PDE3A: variants seen among roughly 807,000 people sequenced by gnomAD.
PDE3A encodes phosphodiesterase 3A.
PDE3A carries 43 observed loss-of-function variants against 98.3 expected under a neutral mutation model. That is an observed-to-expected ratio of 0.44 (90% CI 0.34 to 0.56). PDE3A has a LOEUF of 0.56. PDE3A is among the 20% of genes least tolerant of loss of function. The pLI is 0.01. For synonymous variants in PDE3A, 663 were observed against 567.9 expected (o/e 1.17, Z -2.38); for missense variants, 1,427 against 1,440.7 (o/e 0.99, Z 0.15).
At chr12:20,504,374 T>C (rs911320052) in intron 1 of PDE3A, among the ~76,000 whole-genome samples, 3 of 152,112 alleles carry the variant, frequency 2.0e-5, no homozygotes, top group African/African-American at 4.8e-5. Context: ...GAATATTTCT[T>C]GAATAAATTT....
At chr12:20,399,847 A>T (rs1944087810) in intron 1 of PDE3A, among the ~76,000 whole-genome samples, 1 of 152,220 alleles carries the variant, frequency 6.6e-6, no homozygotes, top group African/African-American at 2.4e-5. Flanking sequence ...ATATATGACA[A>T]GGCTTTTACA....
intron 15 of PDE3A, among the ~76,000 whole-genome samples, chr12:20,676,590 C>T (rs1166026955): frequency 6.7e-6 from 1 of 150,078 alleles, no homozygotes; most frequent in African/African-American, 2.5e-5. Context: ...AGCTCCGCCT[C>T]CTGGGTTCAC....
At chr12:20,502,426 G>T (rs1480156845) in intron 1 of PDE3A, among the ~76,000 whole-genome samples, 2 of 152,120 alleles carry the variant, frequency 1.3e-5, no homozygotes, top group African/African-American at 4.8e-5. Context: ...ATATGCCTAT[G>T]ACTTAATCTG....
rs1942242877 is a variant in PDE3A, at chr12:20,552,568, T to A, written c.961-4092T>A. 1 of 1,613,008 alleles carries A rather than the reference T, an allele frequency of 6.2e-7. No individual in the cohort carries two copies. Among genetic ancestry groups the A allele is most frequent in the Non-Finnish European group, 8.5e-7 (1 of 1,179,686 alleles). On this transcript the variant is annotated intron_variant, in intron 1 of 15. Transcript: ENST00000359062. This position sits in a 1 kb window ranked among gnomAD's most constrained non-coding sequence, Gnocchi z 5.1. Reference sequence around the variant, plus strand: ...GTCCCCCAGGACGGGCAAGGGCAAGTGGAAGCGGAAGTCGGCAGGAGGTGG... The same window carrying A: ...GTCCCCCAGGACGGGCAAGGGCAAGAGGAAGCGGAAGTCGGCAGGAGGTGG...
intron 1 of PDE3A, among the ~76,000 whole-genome samples, chr12:20,542,158 A>T (rs1050733838): frequency 7.9e-5 from 12 of 152,026 alleles, no homozygotes; most frequent in Admixed American, 7.9e-4. Flanking sequence ...GTTTCTTGGC[A>T]CTTATGAAAA....
At chr12:20,400,368 C>T (rs1422182922) in intron 1 of PDE3A, among the ~76,000 whole-genome samples, 1 of 125,558 alleles carries the variant, frequency 8.0e-6, no homozygotes, top group Non-Finnish European at 1.6e-5. Context: ...CATGTTGACT[C>T]GTTAACATTG....
chr12:20,536,872 G>A (rs1278837302), intron 1 of PDE3A, among the ~76,000 whole-genome samples: 2 of 151,988 alleles, frequency 1.3e-5, no homozygotes, highest in East Asian at 3.9e-4. Context: ...TTTTTGTGTG[G>A]ATATTTGTTT....
chr12:20,486,151 A>G (rs1027469487), intron 1 of PDE3A, among the ~76,000 whole-genome samples: 1 of 152,244 alleles, frequency 6.6e-6, no homozygotes, highest in Non-Finnish European at 1.5e-5. Flanking sequence ...ACTGCTATAA[A>G]GAACTGCCTG....
rs376403531 is a variant in PDE3A at position 20,671,403 on chromosome 12, T to G, written c.3185-8627T>G. Among the ~76,000 whole-genome samples the G allele has an allele frequency of 4.0e-3, 605 of 152,200 alleles. 4 individuals carry two copies. Among genetic ancestry groups the G allele is most frequent in the African/African-American group, 0.013 (541 of 41,494 alleles). On this transcript the variant is annotated intron_variant, in intron 15 of 15. Transcript: ENST00000359062. ...CAGGCAGAGACACAACAAAAAAAGA[T>G]AATTTTAGACCAATATCCTTGATGA...
chr12:20,540,767 T>C (rs932473150), intron 1 of PDE3A, among the ~76,000 whole-genome samples: 2 of 152,084 alleles, frequency 1.3e-5, no homozygotes, highest in Admixed American at 6.6e-5. Flanking sequence ...GTAATTTCAT[T>C]AGGAAAACTT....
At chr12:20,440,170 G>A (rs1821850746) in intron 1 of PDE3A, among the ~76,000 whole-genome samples, 2 of 152,176 alleles carry the variant, frequency 1.3e-5, no homozygotes, top group Non-Finnish European at 2.9e-5. Context: ...AGTTAACATT[G>A]TGGTGGGGTA....
At chr12:20,640,020 G>T (rs1479965915) in intron 10 of PDE3A, 63 bp downstream of exon 10, 3 of 765,110 alleles carry the variant, frequency 3.9e-6, no homozygotes, top group East Asian at 2.6e-5. Context: ...GTGGGTAAAT[G>T]GGATAGTGAA....
At chr12:20,578,906 C>T (rs1325194745) in intron 2 of PDE3A, among the ~76,000 whole-genome samples, 1 of 152,082 alleles carries the variant, frequency 6.6e-6, no homozygotes, top group Non-Finnish European at 1.5e-5. Context: ...GAATAGTGTT[C>T]TTTTCATAGT....
chr12:20,558,405 C>T (rs1165162845), intron 2 of PDE3A, among the ~76,000 whole-genome samples: 3 of 151,924 alleles, frequency 2.0e-5, no homozygotes, highest in East Asian at 1.9e-4. Flanking sequence ...GCATTAAAAT[C>T]GGCTTGCATG....
At chr12:20,577,117 T>C (rs951213444) in intron 2 of PDE3A, among the ~76,000 whole-genome samples, 1 of 152,120 alleles carries the variant, frequency 6.6e-6, no homozygotes, top group African/African-American at 2.4e-5. Context: ...ACTCAGATTA[T>C]ACATGAACCA....
intron 2 of PDE3A, among the ~76,000 whole-genome samples, chr12:20,588,603 T>C (rs1453363067): frequency 7.0e-6 from 1 of 143,650 alleles, no homozygotes; most frequent in Non-Finnish European, 1.5e-5. Context: ...GACTGAAAAA[T>C]AACCAGTGCA....
chr12:20,561,212 T>C (rs765357017), intron 2 of PDE3A, among the ~76,000 whole-genome samples: 11 of 151,848 alleles, frequency 7.2e-5, no homozygotes, highest in Admixed American at 3.3e-4. Context: ...GAGCCAAGAT[T>C]GCGCCGCTGC....
intron 15 of PDE3A, among the ~76,000 whole-genome samples, chr12:20,668,267 G>A (rs1290588743): frequency 2.0e-5 from 3 of 152,228 alleles, no homozygotes; most frequent in Non-Finnish European, 4.4e-5. Context: ...CAGTGAGGCT[G>A]GGGGAGGGGC....
In PDE3A at chr12:20,680,308, A is replaced by C. The variant is rs754242761; in HGVS notation, c.*37A>C. ...ATGGGCTGTGTTTCCAAACAGATTG[A>C]CTTGTCAAAGACTCTCTTCAAGCCA... is the stretch of plus-strand genomic sequence containing the variant. On this transcript the variant is annotated 3_prime_UTR_variant, in exon 16 of 16. Transcript: ENST00000359062. 1 of 1,607,912 alleles carries C rather than the reference A, an allele frequency of 6.2e-7. No individual in the cohort carries two copies. The highest frequency in any genetic ancestry group is 8.5e-7 in the Non-Finnish European group (1 of 1,176,052).
Sources: allele counts gnomAD v4.1 joint callset (sites outside exome capture counted in the v4.1 genomes callset), GRCh38; gene constraint gnomAD v4.1.1; non-coding constraint Gnocchi (gnomAD v3.1); transcripts MANE v1.5; gene names NCBI Gene and HGNC (gene_info 2026-07-23, HGNC 2026-07-21).